Variants in CERS6 observed in about 807,000 individuals in gnomAD.
CERS6 encodes LAG1 homolog, ceramide synthase 6.
Under a neutral mutation model 56.8 loss-of-function variants are expected in CERS6, and 26 were observed. The ratio of observed to expected loss-of-function variants is 0.46; its 90% confidence interval spans 0.34 to 0.63. CERS6 has a LOEUF of 0.63. CERS6 is among the 30% of genes least tolerant of loss of function. The probability of loss-of-function intolerance (pLI) is 0.01; values close to 1 mark genes in which losing one functional copy is unlikely to be tolerated. For synonymous variants in CERS6, 164 were observed against 173.3 expected (o/e 0.95, Z 0.42); for missense variants, 415 against 467.5 (o/e 0.89, Z 1.04).
intron 1 of CERS6, among the ~76,000 whole-genome samples, chr2:168,522,848 C>A (rs1574041045): frequency 6.6e-6 from 1 of 152,110 alleles, no homozygotes; most frequent in East Asian, 1.9e-4. Flanking sequence ...TGTGCCTGGC[C>A]CCTGAAATTT....
chr2:168,527,812 C>A (rs1004011281), intron 1 of CERS6, among the ~76,000 whole-genome samples: 38 of 152,134 alleles, frequency 2.5e-4, no homozygotes, highest in African/African-American at 8.9e-4. Flanking sequence ...CCTCCACCTC[C>A]CAGGCTCAAG....
intron 4 of CERS6, among the ~76,000 whole-genome samples, chr2:168,670,764 G>C (rs1437457225): frequency 1.3e-5 from 2 of 151,950 alleles, no homozygotes; most frequent in Admixed American, 6.6e-5. Flanking sequence ...CCCCTTTCCT[G>C]CTACCTGCTG....
At chr2:168,560,164 G>T (rs1695761987) in intron 2 of CERS6, among the ~76,000 whole-genome samples, 1 of 152,130 alleles carries the variant, frequency 6.6e-6, no homozygotes, top group Non-Finnish European at 1.5e-5. Context: ...GAGAACTTGT[G>T]CAGGGAAATT....
chr2:168,489,293 T>C (rs1454479358), intron 1 of CERS6, among the ~76,000 whole-genome samples: 1 of 152,164 alleles, frequency 6.6e-6, no homozygotes, highest in Non-Finnish European at 1.5e-5. Context: ...TCCTCTGTAA[T>C]AATGTGTAAC....
chr2:168,685,329 A>G (rs1192427237), intron 4 of CERS6, among the ~76,000 whole-genome samples: 1 of 152,156 alleles, frequency 6.6e-6, no homozygotes, highest in Admixed American at 6.5e-5. Context: ...TCAGCTGCAG[A>G]TGCCTACTGG....
At chr2:168,525,725 A>G (rs1254736885) in intron 1 of CERS6, among the ~76,000 whole-genome samples, 1 of 152,334 alleles carries the variant, frequency 6.6e-6, no homozygotes, top group Admixed American at 6.5e-5. Context: ...TTTCAAAAAA[A>G]TTTTTATGGT....
chr2:168,625,451 TAA>T (rs900484258), intron 3 of CERS6, among the ~76,000 whole-genome samples: 1 of 152,206 alleles, frequency 6.6e-6, no homozygotes, highest in Non-Finnish European at 1.5e-5. Context: ...TAAAAGTCAG[TAA>T]ATAAAAGGAT....
chr2:168,466,842 G>GTT (rs1484992695), intron 1 of CERS6, among the ~76,000 whole-genome samples: 7 of 152,120 alleles, frequency 4.6e-5, no homozygotes, highest in Non-Finnish European at 5.9e-5. Flanking sequence ...TACACAAATG[G>GTT]TTTTTAATTG....
chr2:168,621,967 CGTA>C (rs1022170183), intron 3 of CERS6, among the ~76,000 whole-genome samples: 1 of 152,212 alleles, frequency 6.6e-6, no homozygotes, highest in Middle Eastern at 3.4e-3. Context: ...AAGGCAAAGA[CGTA>C]GTCATTTAAT....
intron 4 of CERS6, among the ~76,000 whole-genome samples, chr2:168,682,925 A>C (rs1483968436): frequency 6.6e-6 from 1 of 152,238 alleles, no homozygotes; most frequent in Non-Finnish European, 1.5e-5. Context: ...AGAAAACGTC[A>C]ACCCTGTATT....
At chr2:168,514,798 A>C (rs1175721759) in intron 1 of CERS6, among the ~76,000 whole-genome samples, 1 of 152,186 alleles carries the variant, frequency 6.6e-6, no homozygotes, top group Non-Finnish European at 1.5e-5. Context: ...AAGATAGAGA[A>C]CTTTCAAGAA....
intron 3 of CERS6, among the ~76,000 whole-genome samples, chr2:168,585,913 G>A (rs771079823): frequency 9.9e-5 from 15 of 152,184 alleles, no homozygotes; most frequent in Non-Finnish European, 4.4e-5. Context: ...GGAGGGAAAT[G>A]TTGCACAACT....
At chr2:168,705,164 C>T (rs1380328795) in intron 6 of CERS6, among the ~76,000 whole-genome samples, 8 of 152,114 alleles carry the variant, frequency 5.3e-5, no homozygotes, top group Non-Finnish European at 1.5e-5. Context: ...CATTCCCGTG[C>T]CTCAGTTTCT....
intron 1 of CERS6, among the ~76,000 whole-genome samples, chr2:168,543,017 T>C (rs1468132895): frequency 1.3e-5 from 2 of 152,184 alleles, no homozygotes; most frequent in Non-Finnish European, 2.9e-5. Context: ...TTTGACTATA[T>C]CTCTCACCAC....
At chr2:168,687,395 T>C (rs1249891831) in intron 4 of CERS6, among the ~76,000 whole-genome samples, 1 of 152,232 alleles carries the variant, frequency 6.6e-6, no homozygotes, top group Non-Finnish European at 1.5e-5. Context: ...CCTTACTACT[T>C]GCAAAGTGTG....
chr2:168,654,446 G>A (rs866730839), intron 4 of CERS6, among the ~76,000 whole-genome samples: 2 of 152,144 alleles, frequency 1.3e-5, no homozygotes, highest in African/African-American at 4.8e-5. Flanking sequence ...GGGAGGCTGA[G>A]GCACAAGAAT....
At chr2:168,697,034 G>A (rs1312992249) in intron 6 of CERS6, among the ~76,000 whole-genome samples, 5 of 152,118 alleles carry the variant, frequency 3.3e-5, no homozygotes, top group Non-Finnish European at 7.3e-5. Flanking sequence ...TTGCAAACTG[G>A]TATCCAAGTG....
At chr2:168,707,569 T>C (rs1166772070) in intron 6 of CERS6, among the ~76,000 whole-genome samples, 1 of 152,234 alleles carries the variant, frequency 6.6e-6, no homozygotes, top group Non-Finnish European at 1.5e-5. Flanking sequence ...AATACCTTTC[T>C]TTAAATGGTC....
chr2:168,560,461 A>G (rs1472445509), intron 2 of CERS6, among the ~76,000 whole-genome samples: 1 of 152,198 alleles, frequency 6.6e-6, no homozygotes, highest in East Asian at 1.9e-4. Flanking sequence ...CAGAGAGGTC[A>G]ATGGAGTGAG....
Sources: gnomAD v4.1 joint callset for allele counts (sites outside exome capture counted in the v4.1 genomes callset) on GRCh38, gnomAD v4.1.1 for gene constraint, MANE v1.5 for transcripts, NCBI Gene and HGNC (gene_info 2026-07-23, HGNC 2026-07-21) for gene names.